The following CYP2C19 variants were observed in gnomAD, a reference collection of about 807,000 sequenced individuals.
CYP2C19 encodes cytochrome P450 family 2 subfamily C member 19, also known as cytochrome P450 2C19.
CYP2C19 carries 59 observed loss-of-function variants against 40.9 expected under a neutral mutation model. The observed-to-expected ratio is 1.44, with a 90% confidence interval of 1.17 to 1.79. CYP2C19 has a LOEUF of 1.79. Ranked by LOEUF, CYP2C19 falls within the 40% of genes most tolerant of loss-of-function variation. The pLI is 0.00. For missense variants in CYP2C19, 754 were observed against 596.9 expected (o/e 1.26, Z -2.74); for synonymous variants, 253 against 208.7 (o/e 1.21, Z -1.83).
intron 5 of CYP2C19, among the ~76,000 whole-genome samples, chr10:94,792,308 A>G (rs965967467): frequency 1.3e-5 from 2 of 152,036 alleles, no homozygotes; most frequent in Admixed American, 6.6e-5. Context: ...TCTTGACTCT[A>G]TCCTATTTTC....
chr10:94,820,384 A>C (rs1460583800), intron 5 of CYP2C19, 112 bp from the exon 6 acceptor site: 7 of 1,267,362 alleles, frequency 5.5e-6, no homozygotes, highest in Non-Finnish European at 7.9e-6. Context: ...TTCTAGTACT[A>C]TACTTTACAG....
rs1849628434 is a variant in CYP2C19, at chr10:94,849,993, C to T, written c.1226C>T (p.Pro409Leu). The change falls in exon 8 of 9, where the codon CCT (proline) becomes CTT (leucine). Residue 409 changes from proline (P) to leucine (L), a missense_variant. Transcript: ENST00000371321. The stretch of plus-strand genomic sequence containing the variant: ...TTTCCCAACCCAGAGATGTTTGACC[C>T]TCGTCACTTTCTGGATGAAGGTGGA... ...KEFPNPEMFD[P>L]RHFLDEGGNF... The T allele has an allele frequency of 6.2e-7, 1 of 1,613,708 alleles. No homozygotes were observed. Among genetic ancestry groups the T allele is most frequent in the Non-Finnish European group, 8.5e-7 (1 of 1,179,732 alleles).
chr10:94,815,777 T>C (rs1028247250), intron 5 of CYP2C19, among the ~76,000 whole-genome samples: 1 of 152,222 alleles, frequency 6.6e-6, no homozygotes, highest in East Asian at 1.9e-4. Flanking sequence ...TCTCTTTCTC[T>C]ATAATTTATT....
intron 5 of CYP2C19, among the ~76,000 whole-genome samples, chr10:94,810,581 T>A (rs544115528): frequency 1.3e-5 from 2 of 152,300 alleles, no homozygotes; most frequent in South Asian, 4.1e-4. Context: ...ATTGGTCTCT[T>A]CACGGATTGG....
At chr10:94,828,232 C>T (rs928982984) in intron 6 of CYP2C19, among the ~76,000 whole-genome samples, 19 of 151,510 alleles carry the variant, frequency 1.3e-4, no homozygotes, top group African/African-American at 4.4e-4. Flanking sequence ...GACTTTCTGT[C>T]TCGTTGATCT....
chr10:94,771,357 G>T (rs1030152684), intron 1 of CYP2C19, among the ~76,000 whole-genome samples: 1 of 152,128 alleles, frequency 6.6e-6, no homozygotes, highest in Non-Finnish European at 1.5e-5. Context: ...GTCCTCCTGT[G>T]GGATGTAAAT....
intron 5 of CYP2C19, among the ~76,000 whole-genome samples, chr10:94,797,235 A>G (rs1306455161): frequency 6.6e-6 from 1 of 152,012 alleles, no homozygotes; most frequent in African/African-American, 2.4e-5. Flanking sequence ...CCTTTTCTGT[A>G]TCTATTGAGA....
rs763055481 is a variant in CYP2C19 at position 94,780,648 on chromosome 10, C to A, written c.631C>A (p.Pro211Thr). The A allele has an allele frequency of 1.5e-5, 24 of 1,613,444 alleles. No homozygotes were observed. Among genetic ancestry groups the A allele is most frequent in the African/African-American group, 6.7e-5 (5 of 74,856 alleles). Residue 211 changes from proline (P) to threonine (T), a missense_variant, in exon 4 of 9, where the codon CCC becomes ACC. Pro to Thr is a conservative substitution (Grantham distance 38). Coordinates refer to ENST00000371321, the MANE Select transcript of CYP2C19 (RefSeq NM_000769.4). The part of the protein sequence containing the change: ...LNENIRIVST[P>T]WIQICNNFPT... ...TGAAAACATCAGGATTGTAAGCACC[C>A]CCTGGATCCAGGTAAGGCCAAGTTT...
Position 94,803,258 on chromosome 10 carries a change from TC to T in CYP2C19, c.820-17235del, listed in dbSNP as rs201925685. Among the ~76,000 whole-genome samples the T allele has an allele frequency of 3.4e-3, 517 of 152,292 alleles. 2 individuals carry two copies. The highest frequency in any genetic ancestry group is 0.012 in the African/African-American group (501 of 41,562). Reference sequence around the variant, plus strand: ...TCTCCCTATTTTTTTCTTTCCTTTTTCCCTCTCCCTTCCAATGGGGGTGTAA... The same window carrying T: ...TCTCCCTATTTTTTTCTTTCCTTTTTCCTCTCCCTTCCAATGGGGGTGTAA... On this transcript the variant is annotated intron_variant, in intron 5 of 8. Coordinates refer to ENST00000371321, the MANE Select transcript of CYP2C19 (RefSeq NM_000769.4).
intron 3 of CYP2C19, chr10:94,775,773 C>A: frequency 1.6e-6 from 1 of 610,262 alleles, no homozygotes; most frequent in Non-Finnish European, 2.8e-6. Flanking sequence ...ATCCTATGTT[C>A]TCCTGAACTT....
At chr10:94,826,817 T>G (rs916520667) in intron 6 of CYP2C19, among the ~76,000 whole-genome samples, 20 of 152,194 alleles carry the variant, frequency 1.3e-4, no homozygotes, top group Admixed American at 1.0e-3. Flanking sequence ...GCTCTTATTA[T>G]TTTGAAATAC....
chr10:94,768,309 C>A lies in CYP2C19; in HGVS notation c.168+5436C>A, dbSNP rs78607183. On this transcript the variant is annotated intron_variant, in intron 1 of 8. Transcript: ENST00000371321. ...AGTTACACCACTAACTTTGCCATAA[C>A]CTGCCCTTCATATCCCATTCTCCAC... Among the ~76,000 whole-genome samples the A allele has an allele frequency of 3.9e-3, 599 of 152,302 alleles. 4 individuals are homozygous for A. The highest frequency in any genetic ancestry group is 7.0e-3 in the Non-Finnish European group (474 of 68,026).
chr10:94,836,534 T>C (rs1849406447), intron 6 of CYP2C19, among the ~76,000 whole-genome samples: 1 of 152,256 alleles, frequency 6.6e-6, no homozygotes, highest in African/African-American at 2.4e-5. Context: ...ATTGACTTTC[T>C]GAGTTTCCTT....
chr10:94,851,500 A>G (rs986886182), intron 8 of CYP2C19, among the ~76,000 whole-genome samples: 1 of 151,788 alleles, frequency 6.6e-6, no homozygotes, highest in African/African-American at 2.4e-5. Flanking sequence ...ATAAGAAATA[A>G]GAAATTATGA....
chr10:94,849,140 A>C (rs1198045759), intron 7 of CYP2C19, among the ~76,000 whole-genome samples: 1 of 152,128 alleles, frequency 6.6e-6, no homozygotes, highest in Admixed American at 6.6e-5. Flanking sequence ...GAGAGAGAAC[A>C]TCCCTGTCTT....
At chr10:94,807,357 G>A (rs1400137340) in intron 5 of CYP2C19, among the ~76,000 whole-genome samples, 4 of 152,026 alleles carry the variant, frequency 2.6e-5, no homozygotes, top group Admixed American at 2.0e-4. Flanking sequence ...AGTAAATATG[G>A]AAGTATAACT....
chr10:94,818,843 C>T (rs1473427569), intron 5 of CYP2C19, among the ~76,000 whole-genome samples: 1 of 151,730 alleles, frequency 6.6e-6, no homozygotes, highest in Admixed American at 6.6e-5. Flanking sequence ...CAAACAGGGA[C>T]AATTTGACTT....
At chr10:94,834,690 T>G (rs1210690862) in intron 6 of CYP2C19, among the ~76,000 whole-genome samples, 1 of 152,154 alleles carries the variant, frequency 6.6e-6, no homozygotes, top group East Asian at 1.9e-4. Flanking sequence ...TCCCTCCCAC[T>G]GTGCTTTCAG....
intron 5 of CYP2C19, among the ~76,000 whole-genome samples, chr10:94,818,156 C>T (rs1444503520): frequency 2.7e-5 from 4 of 148,744 alleles, no homozygotes; most frequent in Non-Finnish European, 3.0e-5. Context: ...AATCCTTTCC[C>T]CATTGCTTGT....
Sources: allele counts gnomAD v4.1 joint callset (sites outside exome capture counted in the v4.1 genomes callset), GRCh38; gene constraint gnomAD v4.1.1; transcripts MANE v1.5; gene names NCBI Gene and HGNC (gene_info 2026-07-23, HGNC 2026-07-21).